The following LRP1B variants were observed in gnomAD, a reference collection of about 807,000 sequenced individuals.
LRP1B encodes low-density lipoprotein receptor-related protein 1B.
Under a neutral mutation model 556.6 loss-of-function variants are expected in LRP1B, and 217 were observed. The observed-to-expected ratio is 0.39, with a 90% confidence interval of 0.35 to 0.44. LRP1B has a LOEUF of 0.44. LRP1B is among the 20% of genes least tolerant of loss of function. LRP1B has a pLI of 1.00. For synonymous variants in LRP1B, 2,047 were observed against 1,865.8 expected, an observed-to-expected ratio of 1.10 and a Z score of -2.50; for missense variants, 5,053 against 5,620.8, an observed-to-expected ratio of 0.90 and a Z score of 3.23.
chr2:141,713,491 T>C (rs940600142), intron 2 of LRP1B, among the ~76,000 whole-genome samples: 1 of 152,150 alleles, frequency 6.6e-6, no homozygotes, highest in East Asian at 1.9e-4. Flanking sequence ...ATGAATATAA[T>C]ATAACATGAT....
chr2:140,376,929 C>T lies in LRP1B; in HGVS notation c.10638+1251G>A, dbSNP rs150839662. 4.1e-3 allele frequency among the ~76,000 whole-genome samples: 619 copies of T among 152,234 alleles called. 2 individuals are homozygous for T. Among genetic ancestry groups the T allele is most frequent in the African/African-American group, 0.014 (591 of 41,546 alleles). On this transcript the variant is annotated intron_variant, in intron 68 of 90. Coordinates refer to ENST00000389484, the MANE Select transcript of LRP1B (RefSeq NM_018557.3). Reference sequence around the variant, plus strand: ...AATTGGGAACAAACACAGAAACCTCCAGAGCTGCAGCGAAAATCCTCTGGC... The same window carrying T: ...AATTGGGAACAAACACAGAAACCTCTAGAGCTGCAGCGAAAATCCTCTGGC...
At chr2:140,482,945 A>C (rs1413708348) in intron 59 of LRP1B, among the ~76,000 whole-genome samples, 2 of 152,148 alleles carry the variant, frequency 1.3e-5, no homozygotes, top group Non-Finnish European at 2.9e-5. Context: ...TCTTAAATTT[A>C]AGTTTTCATT....
At chr2:141,492,001 G>T (rs1056506613) in intron 2 of LRP1B, among the ~76,000 whole-genome samples, 1 of 143,638 alleles carries the variant, frequency 7.0e-6, no homozygotes, top group Non-Finnish European at 1.5e-5. Context: ...TGGTGTGATG[G>T]CCAAGTGATA....
chr2:141,215,425 A>C (rs1242713271), intron 6 of LRP1B, among the ~76,000 whole-genome samples: 1 of 152,148 alleles, frequency 6.6e-6, no homozygotes, highest in Non-Finnish European at 1.5e-5. Context: ...TCTTGCTATA[A>C]AGATACCAGA....
intron 41 of LRP1B, among the ~76,000 whole-genome samples, chr2:140,665,116 A>G (rs904624635): frequency 1.3e-5 from 2 of 152,232 alleles, no homozygotes; most frequent in Admixed American, 6.5e-5. Context: ...GAATAGCAAG[A>G]AAGTTTGTTT....
chr2:142,115,689 ATATG>A (rs1488580142), intron 1 of LRP1B, among the ~76,000 whole-genome samples: 6 of 23,042 alleles, frequency 2.6e-4, no homozygotes, highest in African/African-American at 8.2e-4. Flanking sequence ...TATATAATAT[ATATG>A]TAATATATAT....
At chr2:141,177,714 G>A (rs1008868389) in intron 7 of LRP1B, among the ~76,000 whole-genome samples, 6 of 152,040 alleles carry the variant, frequency 3.9e-5, no homozygotes, top group African/African-American at 2.4e-5. Context: ...GGACTCCCAG[G>A]TTCAGACTTT....
chr2:141,740,251 A>G (rs1366696554), intron 2 of LRP1B, among the ~76,000 whole-genome samples: 3 of 152,138 alleles, frequency 2.0e-5, no homozygotes, highest in Non-Finnish European at 4.4e-5. Context: ...AAGGTTAATA[A>G]ACATTGGCTA....
At chr2:140,885,808 A>T (rs935362098) in intron 24 of LRP1B, among the ~76,000 whole-genome samples, 2 of 151,974 alleles carry the variant, frequency 1.3e-5, no homozygotes, top group African/African-American at 4.8e-5. Flanking sequence ...TTAAAAAAAA[A>T]AAAAAAACAA....
chr2:141,667,327 C>A (rs1574217545), intron 2 of LRP1B, among the ~76,000 whole-genome samples: 1 of 152,144 alleles, frequency 6.6e-6, no homozygotes, highest in East Asian at 1.9e-4. Flanking sequence ...TGTATTCTTG[C>A]ATTGTTGTTT....
chr2:142,116,517 C>T (rs1707282313), intron 1 of LRP1B, among the ~76,000 whole-genome samples: 1 of 152,118 alleles, frequency 6.6e-6, no homozygotes. Context: ...ACATTGCATC[C>T]TGGATTGGAT....
At chr2:142,064,412 C>T (rs2104898727) in intron 1 of LRP1B, among the ~76,000 whole-genome samples, 1 of 151,626 alleles carries the variant, frequency 6.6e-6, no homozygotes, top group East Asian at 1.9e-4. Flanking sequence ...TCTAATTATT[C>T]TTACAACCAG....
Position 141,163,140 on chromosome 2 carries a change from A to T in LRP1B, c.1013+25281T>A, listed in dbSNP as rs1487764167. 2.6e-5 allele frequency among the ~76,000 whole-genome samples: 4 copies of T among 152,078 alleles called. No homozygotes were observed. In the East Asian group the frequency reaches 7.7e-4, roughly 29 times the overall value. ...TTTCCTTCTTCCTTTGCTCCTCTTC[A>T]TCCCTCATTCCTGCTTTCTGGTATT... On this transcript the variant is annotated intron_variant, in intron 7 of 90. Transcript: ENST00000389484.
chr2:141,202,657 C>G (rs1397468216), intron 6 of LRP1B, among the ~76,000 whole-genome samples: 1 of 152,098 alleles, frequency 6.6e-6, no homozygotes, highest in Non-Finnish European at 1.5e-5. Context: ...ATTTGCATTT[C>G]TCTGGTGGTC....
intron 7 of LRP1B, among the ~76,000 whole-genome samples, chr2:141,172,292 TG>T (rs1680534249): frequency 6.6e-6 from 1 of 152,098 alleles, no homozygotes; most frequent in Admixed American, 6.6e-5. Context: ...CTGGCCTGTG[TG>T]TACTTCTACA....
chr2:141,462,626 G>A (rs575603123), intron 3 of LRP1B, among the ~76,000 whole-genome samples: 3 of 152,066 alleles, frequency 2.0e-5, no homozygotes, highest in East Asian at 1.9e-4. Context: ...AAATCTGCAC[G>A]TTTTGCACAT....
rs1455253544 is a variant in LRP1B, at chr2:141,872,069, TGAGA to T, written c.83-61672_83-61669del. ...TAAGACATGTCTCAAACTTAGTAGA[TGAGA>T]GATTTAGCTACCCTTCAGCCTAAAG... On this transcript the variant is annotated intron_variant, in intron 1 of 90. Coordinates refer to ENST00000389484, the MANE Select transcript of LRP1B (RefSeq NM_018557.3). Among the ~76,000 whole-genome samples, 17 of 151,918 alleles carry T rather than the reference TGAGA, an allele frequency of 1.1e-4. 1 individual carries two copies. The East Asian group carries it at 3.1e-3, about 28-fold the overall frequency.
intron 7 of LRP1B, among the ~76,000 whole-genome samples, chr2:141,158,619 CA>C (rs1702125582): frequency 6.6e-6 from 1 of 152,030 alleles, no homozygotes; most frequent in Non-Finnish European, 1.5e-5. Flanking sequence ...AAAGGTAATC[CA>C]ATGTCGTGGT....
intron 41 of LRP1B, among the ~76,000 whole-genome samples, chr2:140,659,098 GTTT>G (rs59651364): frequency 2.8e-3 from 174 of 61,104 alleles, no homozygotes; most frequent in African/African-American, 8.9e-3. Context: ...CTGTAAATCT[GTTT>G]TTTTTTTTTT....
Sources: allele counts gnomAD v4.1 joint callset (sites outside exome capture counted in the v4.1 genomes callset), GRCh38; gene constraint gnomAD v4.1.1; transcripts MANE v1.5; gene names NCBI Gene and HGNC (gene_info 2026-07-23, HGNC 2026-07-21).